Variants in EEFSEC observed in about 807,000 individuals in gnomAD.
EEFSEC encodes the protein eukaryotic elongation factor, selenocysteine-tRNA specific.
A neutral mutation model predicts 42.1 loss-of-function variants in EEFSEC; 43 were observed. That is an observed-to-expected ratio of 1.02 (90% CI 0.80 to 1.32). The LOEUF is 1.32. EEFSEC is among the 40% of genes most tolerant of loss of function. The pLI is 0.00. For synonymous variants in EEFSEC, 354 were observed against 339.1 expected, an observed-to-expected ratio of 1.04 and a Z score of -0.48; for missense variants, 745 against 803.6, an observed-to-expected ratio of 0.93 and a Z score of 0.88.
intron 1 of EEFSEC, among the ~76,000 whole-genome samples, chr3:128,199,757 G>A (rs1287765695): frequency 6.6e-6 from 1 of 151,726 alleles, no homozygotes; most frequent in East Asian, 1.9e-4. Context: ...TTTTTGAGAT[G>A]GGGTCTCACT....
intron 4 of EEFSEC, among the ~76,000 whole-genome samples, chr3:128,299,160 A>G (rs2066739613): frequency 6.6e-6 from 1 of 152,146 alleles, no homozygotes; most frequent in Non-Finnish European, 1.5e-5. Context: ...TTTCCATAGG[A>G]GCCGTATCAA....
chr3:128,421,679 G>A, the EEFSEC span, among the ~76,000 whole-genome samples: 1 of 152,044 alleles, frequency 6.6e-6, no homozygotes, highest in South Asian at 2.1e-4. Flanking sequence ...TTATGAGCGG[G>A]GTGGGGGGGC....
At chr3:128,358,852 C>G (rs1490077296) in intron 6 of EEFSEC, among the ~76,000 whole-genome samples, 1 of 152,112 alleles carries the variant, frequency 6.6e-6, no homozygotes, top group Non-Finnish European at 1.5e-5. Flanking sequence ...GTGCTGGGGC[C>G]TCTCCGTGGG....
intron 4 of EEFSEC, among the ~76,000 whole-genome samples, chr3:128,323,921 G>A (rs550809498): frequency 5.3e-5 from 8 of 152,278 alleles, no homozygotes; most frequent in African/African-American, 9.6e-5. Context: ...GAGTCTGAGC[G>A]CCTCCCCCCC....
intron 1 of EEFSEC, among the ~76,000 whole-genome samples, chr3:128,222,961 G>GCTAA (rs1437222340): frequency 6.6e-6 from 1 of 152,224 alleles, no homozygotes; most frequent in Non-Finnish European, 1.5e-5. Context: ...GACTCAAGAT[G>GCTAA]GGGACTGGTC....
Position 128,221,197 on chromosome 3 carries a change from A to T in EEFSEC, c.317-25639A>T, listed in dbSNP as rs190010175. The stretch of plus-strand genomic sequence containing the variant: ...CCAAACACATTGAAATGCTGGATAA[A>T]GTGAGGAAACACTAAGAGAAGAAAA... On this transcript the variant is annotated intron_variant, in intron 1 of 6. Transcript: ENST00000254730. Among the ~76,000 whole-genome samples, 47 of 152,354 alleles carry T rather than the reference A, an allele frequency of 3.1e-4. 2 individuals are homozygous for T. In the East Asian group the frequency reaches 8.7e-3, roughly 28 times the overall value.
intron 1 of EEFSEC, among the ~76,000 whole-genome samples, chr3:128,169,197 C>A (rs778807153): frequency 1.3e-5 from 2 of 152,196 alleles, no homozygotes; most frequent in Non-Finnish European, 2.9e-5. Context: ...GAAGGCCTTT[C>A]TGAAGCAATA....
chr3:128,255,868 T>A (rs1041216008), intron 2 of EEFSEC, among the ~76,000 whole-genome samples: 6 of 152,056 alleles, frequency 3.9e-5, no homozygotes, highest in Non-Finnish European at 8.8e-5. Context: ...GGCTGGGGTA[T>A]CAGCATGGGT....
At chr3:128,255,470 G>A (rs545655821) in intron 2 of EEFSEC, among the ~76,000 whole-genome samples, 13 of 152,228 alleles carry the variant, frequency 8.5e-5, no homozygotes, top group South Asian at 6.2e-4. Flanking sequence ...CCTGGCCCCC[G>A]TTCCTCTTAG....
downstream of EEFSEC, among the ~76,000 whole-genome samples, chr3:128,409,459 G>A (rs1194061838): frequency 6.6e-6 from 1 of 152,144 alleles, no homozygotes; most frequent in Non-Finnish European, 1.5e-5. Flanking sequence ...CCCCCGAGCT[G>A]CAAGGATACC....
At chr3:128,363,552 C>T (rs1395719596) in intron 6 of EEFSEC, among the ~76,000 whole-genome samples, 1 of 152,110 alleles carries the variant, frequency 6.6e-6, no homozygotes, top group Non-Finnish European at 1.5e-5. Flanking sequence ...ACCCTATGGC[C>T]CCTGGGAAGA....
chr3:128,417,411 G>A, the EEFSEC span, among the ~76,000 whole-genome samples: 122 of 152,108 alleles, frequency 8.0e-4, no homozygotes, highest in Non-Finnish European at 2.8e-4. This position sits in a 1 kb window ranked among gnomAD's most constrained non-coding sequence, Gnocchi z 4.3. Context: ...CACAGCTCCC[G>A]CTGCCCCCAG....
At chr3:128,381,957 C>T (rs1352566065) in intron 6 of EEFSEC, among the ~76,000 whole-genome samples, 2 of 152,104 alleles carry the variant, frequency 1.3e-5, no homozygotes, top group African/African-American at 2.4e-5. Flanking sequence ...AGCACAAGTA[C>T]GCTGGGCCAC....
At chr3:128,406,358 G>T (rs1202274041) in intron 6 of EEFSEC, among the ~76,000 whole-genome samples, 2 of 152,196 alleles carry the variant, frequency 1.3e-5, no homozygotes, top group African/African-American at 2.4e-5. Flanking sequence ...GAGCCTGGGG[G>T]TGCAGGCTGG....
At chr3:128,220,594 GCCT>G (rs1209586453) in intron 1 of EEFSEC, among the ~76,000 whole-genome samples, 1 of 152,156 alleles carries the variant, frequency 6.6e-6, no homozygotes, top group Non-Finnish European at 1.5e-5. Context: ...CATGCAAGAA[GCCT>G]CCTGTGCCAG....
chr3:128,273,660 G>T (rs532280838), intron 4 of EEFSEC, among the ~76,000 whole-genome samples: 7 of 152,358 alleles, frequency 4.6e-5, no homozygotes, highest in African/African-American at 1.7e-4. Flanking sequence ...AGGTTCTTGT[G>T]CTGAGAGCGG....
rs141482305 is a variant in EEFSEC, at chr3:128,167,368, G to A, written c.316+13545G>A. Among the ~76,000 whole-genome samples the A allele has an allele frequency of 1.5e-3, 235 of 152,284 alleles. 1 individual carries two copies. Among genetic ancestry groups the A allele is most frequent in the African/African-American group, 5.5e-3 (229 of 41,548 alleles). ...GGCCTTGGTACAGAGTAAATATTTG[G>A]TGCATGCATATCGGAATGAATGAAT... On this transcript the variant is annotated intron_variant, in intron 1 of 6. Coordinates refer to ENST00000254730, the MANE Select transcript of EEFSEC (RefSeq NM_021937.5).
At chr3:128,371,241 T>TGGGGAGGA (rs1409270305) in intron 6 of EEFSEC, among the ~76,000 whole-genome samples, 1 of 152,160 alleles carries the variant, frequency 6.6e-6, no homozygotes, top group Non-Finnish European at 1.5e-5. Flanking sequence ...CTTGGATGGA[T>TGGGGAGGA]GGGGAGGAGG....
intron 1 of EEFSEC, among the ~76,000 whole-genome samples, chr3:128,168,510 A>G (rs557616834): frequency 2.6e-5 from 4 of 152,166 alleles, no homozygotes; most frequent in Non-Finnish European, 5.9e-5. Context: ...GAGGGTAGAG[A>G]TTTGCTCTGC....
Sources: gnomAD v4.1 joint callset for allele counts (sites outside exome capture counted in the v4.1 genomes callset) on GRCh38, gnomAD v4.1.1 for gene constraint, Gnocchi (gnomAD v3.1) non-coding constraint, MANE v1.5 for transcripts, NCBI Gene and HGNC (gene_info 2026-07-23, HGNC 2026-07-21) for gene names.